Variants in BTG4 observed in about 807,000 individuals in gnomAD.
BTG4 encodes protein BTG4.
In BTG4, 10 loss-of-function variants were observed where a neutral mutation model predicts 19.3. The ratio of observed to expected loss-of-function variants is 0.52; its 90% CI spans 0.32 to 0.88. The LOEUF (loss-of-function observed/expected upper bound fraction) is 0.88, where lower values mean the gene tolerates loss of function less well. Among genes scored for constraint, BTG4 ranks in the 40% least tolerant of loss-of-function variants. The probability of loss-of-function intolerance (pLI) is 0.04; values close to 1 mark genes in which losing one functional copy is unlikely to be tolerated. For missense variants in BTG4, 238 were observed against 281.9 expected (o/e 0.84, Z 1.11); for synonymous variants, 91 against 95.7 (o/e 0.95, Z 0.29).
the BTG4 span, among the ~76,000 whole-genome samples, chr11:111,415,199 C>G: frequency 5.9e-5 from 9 of 152,230 alleles, no homozygotes; most frequent in Admixed American, 6.5e-5. Flanking sequence ...CTGCAAAGCC[C>G]TGTTATTGGC....
At chr11:111,421,976 G>A in the BTG4 span, among the ~76,000 whole-genome samples, 1 of 151,878 alleles carries the variant, frequency 6.6e-6, no homozygotes, top group Non-Finnish European at 1.5e-5. Flanking sequence ...TTGAGACCAA[G>A]CTCACGGGAA....
chr11:111,431,389 C>T, the BTG4 span, among the ~76,000 whole-genome samples: 56 of 152,204 alleles, frequency 3.7e-4, no homozygotes, highest in African/African-American at 1.1e-3. Context: ...CCATTATTAC[C>T]GCTTCATAGA....
chr11:111,428,815 A>G, the BTG4 span, among the ~76,000 whole-genome samples: 2 of 152,204 alleles, frequency 1.3e-5, no homozygotes, highest in African/African-American at 4.8e-5. Context: ...AAGGCTCTTC[A>G]GCTTCATGGC....
chr11:111,418,528 C>G, the BTG4 span, among the ~76,000 whole-genome samples: 6 of 152,270 alleles, frequency 3.9e-5, no homozygotes, highest in South Asian at 1.0e-3. Context: ...GTCTGTCTTC[C>G]GCATAGAATG....
At position 111,498,627 on chromosome 11, in the gene BTG4, G is replaced by T; in HGVS notation, c.150C>A (p.Cys50Ter). Residue 50 changes from cysteine (C) to a stop codon, truncating the protein, a stop_gained, in exon 2 of 5, where the codon TGC (cysteine) becomes TGA (stop). Transcript: ENST00000692032. LOFTEE classifies it high-confidence loss of function. ...ACCTGAAGGCTTGCCCTTTAGAAGGGCAATCAGAGTGCCAGTGACTTCTGT... is the reference window on the plus strand; with the variant it reads ...ACCTGAAGGCTTGCCCTTTAGAAGGTCAATCAGAGTGCCAGTGACTTCTGT... ...ETYRSHWHSD[C>*]PSKGQAFRCI... The T allele has an allele frequency of 6.2e-7, 1 of 1,613,286 alleles. No homozygotes were observed. Among genetic ancestry groups the T allele is most frequent in the Admixed American group, 1.7e-5 (1 of 59,854 alleles).
At chr11:111,455,862 G>A in the BTG4 span, 7 of 454,896 alleles carry the variant, frequency 1.5e-5, no homozygotes, top group Middle Eastern at 3.3e-4. Flanking sequence ...GCACTGGGGC[G>A]GAGCTACTGA....
At chr11:111,390,761 C>A in the BTG4 span, among the ~76,000 whole-genome samples, 3 of 152,172 alleles carry the variant, frequency 2.0e-5, no homozygotes, top group African/African-American at 7.2e-5. Context: ...CCTCTTTCTT[C>A]GAAGCCTTCC....
the BTG4 span, among the ~76,000 whole-genome samples, chr11:111,433,993 G>A: frequency 5.9e-5 from 9 of 152,228 alleles, no homozygotes; most frequent in South Asian, 4.1e-4. Context: ...ACAATGTAGC[G>A]ATTCCTCAGG....
At chr11:111,478,334 G>A (rs1864519633) in intron 5 of BTG4, among the ~76,000 whole-genome samples, 1 of 152,118 alleles carries the variant, frequency 6.6e-6, no homozygotes, top group Non-Finnish European at 1.5e-5. Flanking sequence ...CTTCCACTAG[G>A]AAGTAGCAAA....
chr11:111,450,280 G>C, the BTG4 span: 1 of 152,468 alleles, frequency 6.6e-6, no homozygotes, highest in Non-Finnish European at 1.5e-5. Context: ...CTTCCTACTG[G>C]GCAAGTGTGT....
chr11:111,405,591 T>C, the BTG4 span, among the ~76,000 whole-genome samples: 4 of 152,010 alleles, frequency 2.6e-5, no homozygotes, highest in South Asian at 2.1e-4. Context: ...CAGGGGTGGA[T>C]TGATCTCAGT....
chr11:111,514,717 CG>C, upstream of BTG4: 1 of 1,141,860 alleles, frequency 8.8e-7, no homozygotes, highest in Non-Finnish European at 1.2e-6. Context: ...TGGCGGTTCT[CG>C]GAGGGGCGGG....
intron 1 of BTG4, among the ~76,000 whole-genome samples, chr11:111,507,491 T>C (rs1364891066): frequency 1.3e-5 from 2 of 152,154 alleles, no homozygotes; most frequent in East Asian, 1.9e-4. Context: ...CAGAAGATCA[T>C]TGATCCTTCA....
chr11:111,485,828 T>C (rs1489596149), intron 5 of BTG4, among the ~76,000 whole-genome samples: 5 of 151,862 alleles, frequency 3.3e-5, no homozygotes, highest in African/African-American at 1.2e-4. Context: ...ATAAACAAAA[T>C]TGACAAACCT....
chr11:111,387,915 A>G, the BTG4 span, among the ~76,000 whole-genome samples: 60 of 152,128 alleles, frequency 3.9e-4, 1 homozygote, highest in South Asian at 0.011. Context: ...TGAGCACCAC[A>G]CACTGAACAA....
At chr11:111,477,704 C>T (rs1009897094) in intron 5 of BTG4, among the ~76,000 whole-genome samples, 1 of 151,994 alleles carries the variant, frequency 6.6e-6, no homozygotes, top group Non-Finnish European at 1.5e-5. Context: ...ATATTCCAGA[C>T]TTGGAAATAA....
the BTG4 span, among the ~76,000 whole-genome samples, chr11:111,438,494 AT>A: frequency 1.3e-5 from 2 of 152,108 alleles, no homozygotes; most frequent in Non-Finnish European, 2.9e-5. Flanking sequence ...AGGCACTCTC[AT>A]GGGCCATTTC....
downstream of BTG4, among the ~76,000 whole-genome samples, chr11:111,493,294 G>T (rs1865528655): frequency 1.3e-5 from 2 of 152,214 alleles, no homozygotes; most frequent in African/African-American, 4.8e-5. Flanking sequence ...GGAGAGTAAA[G>T]ATTACCTTAG....
At chr11:111,486,205 G>C (rs867876680) in intron 5 of BTG4, among the ~76,000 whole-genome samples, 1 of 152,202 alleles carries the variant, frequency 6.6e-6, no homozygotes, top group Non-Finnish European at 1.5e-5. Flanking sequence ...GAAGGCCAAG[G>C]TGGGTAGATC....
Sources: allele counts gnomAD v4.1 joint callset (sites outside exome capture counted in the v4.1 genomes callset), GRCh38; gene constraint gnomAD v4.1.1; transcripts MANE v1.5; gene names NCBI Gene and HGNC (gene_info 2026-07-23, HGNC 2026-07-21).